The following ZCWPW2 variants were observed in gnomAD, a reference collection of about 807,000 sequenced individuals.
ZCWPW2 encodes zinc finger CW-type and PWWP domain containing 2, also known as zinc finger CW-type PWWP domain protein 2.
In ZCWPW2, 45 loss-of-function variants were observed where a neutral mutation model predicts 46.6. The ratio of observed to expected loss-of-function variants is 0.96; its 90% CI spans 0.76 to 1.24. The LOEUF is 1.24. Among genes scored for constraint, ZCWPW2 ranks in the 50% most tolerant of loss-of-function variants. The pLI is 0.00. For synonymous variants in ZCWPW2, 152 were observed against 137.1 expected, an observed-to-expected ratio of 1.11 and a Z score of -0.76; for missense variants, 429 against 403.9, an observed-to-expected ratio of 1.06 and a Z score of -0.53.
intron 4 of ZCWPW2, among the ~76,000 whole-genome samples, chr3:28,454,522 C>T (rs566499774): frequency 6.6e-6 from 1 of 152,234 alleles, no homozygotes; most frequent in East Asian, 1.9e-4. Context: ...GTAGGATGTG[C>T]ACGTTTGTTA....
chr3:28,442,321 C>T (rs772963750), intron 4 of ZCWPW2, among the ~76,000 whole-genome samples: 1 of 152,164 alleles, frequency 6.6e-6, no homozygotes, highest in Non-Finnish European at 1.5e-5. Context: ...AGAAATTTTG[C>T]TGAGGTAGAA....
At chr3:28,398,048 T>G (rs1390771238) in intron 2 of ZCWPW2, 1 of 152,230 alleles carries the variant, frequency 6.6e-6, no homozygotes, top group African/African-American at 2.4e-5. Context: ...ACATTGTCAG[T>G]CTGGCTGCTA....
At chr3:28,513,804 T>C (rs1700489911) in intron 6 of ZCWPW2, among the ~76,000 whole-genome samples, 1 of 152,100 alleles carries the variant, frequency 6.6e-6, no homozygotes, top group Non-Finnish European at 1.5e-5. Flanking sequence ...TTTTATGTGT[T>C]TGTGAAGTTA....
intron 3 of ZCWPW2, among the ~76,000 whole-genome samples, chr3:28,423,492 G>A (rs548110902): frequency 1.3e-5 from 2 of 150,428 alleles, no homozygotes; most frequent in African/African-American, 4.9e-5. Context: ...TCAGCCTCCC[G>A]AGTAGCTGGG....
In ZCWPW2 at chr3:28,413,367, G is replaced by A. The variant is rs772933045; in HGVS notation, c.299G>A (p.Ser100Asn). The change falls in exon 3 of 10, where the codon AGC (serine) becomes AAC (asparagine). Residue 100 changes from serine (S) to asparagine (N), a missense_variant. Transcript: ENST00000383768. Reference sequence around the variant, plus strand: ...GTCTATTCACAGCTCCCTCTTGGAAGCCTGGTTTTGGTAAAATTACAGAAT... The same window carrying A: ...GTCTATTCACAGCTCCCTCTTGGAAACCTGGTTTTGGTAAAATTACAGAAT... ...KIVYSQLPLGSLVLVKLQNWP... is the reference protein window; with the variant it reads ...KIVYSQLPLGNLVLVKLQNWP... 3.1e-6 allele frequency: 5 copies of A among 1,609,234 alleles called. No individual in the cohort carries two copies. Among genetic ancestry groups the A allele is most frequent in the Non-Finnish European group, 4.2e-6 (5 of 1,176,568 alleles).
At chr3:28,501,677 GA>G (rs1200879001) in intron 6 of ZCWPW2, among the ~76,000 whole-genome samples, 3 of 152,080 alleles carry the variant, frequency 2.0e-5, no homozygotes, top group Non-Finnish European at 2.9e-5. Context: ...TCCTTACCCA[GA>G]AAGTTTCCTC....
intron 6 of ZCWPW2, among the ~76,000 whole-genome samples, chr3:28,504,574 C>T (rs904450323): frequency 2.0e-5 from 3 of 152,326 alleles, no homozygotes; most frequent in Non-Finnish European, 4.4e-5. Context: ...ACTATAACCA[C>T]TGAATATTCT....
chr3:28,447,654 A>G lies in ZCWPW2; in HGVS notation c.492+12385A>G, dbSNP rs578104323. 3.9e-4 allele frequency: 140 copies of G among 360,712 alleles called. 1 individual carries two copies. The highest frequency in any genetic ancestry group is 2.6e-3 in the African/African-American group (127 of 48,772). 22.3% of individuals were successfully genotyped at this position (360,712 alleles called of 1,614,324 possible). Reference sequence around the variant, plus strand: ...CAACATAGTTCTGAAAGTTCTAGCCAGAGCAATTAGGCAAGAAAAAAGAAA... The same window carrying G: ...CAACATAGTTCTGAAAGTTCTAGCCGGAGCAATTAGGCAAGAAAAAAGAAA... On this transcript the variant is annotated intron_variant, in intron 4 of 9. Coordinates refer to ENST00000383768, the MANE Select transcript of ZCWPW2 (RefSeq NM_001040432.4).
chr3:28,411,267 A>G (rs954821158), intron 2 of ZCWPW2, among the ~76,000 whole-genome samples: 3 of 151,964 alleles, frequency 2.0e-5, no homozygotes, highest in Non-Finnish European at 4.4e-5. Context: ...ACATTTTAAA[A>G]GAAATCCATA....
chr3:28,496,859 T>G (rs549969184), intron 6 of ZCWPW2, among the ~76,000 whole-genome samples: 133 of 151,676 alleles, frequency 8.8e-4, no homozygotes, highest in Middle Eastern at 6.9e-3. Flanking sequence ...GGCATAGGGA[T>G]GTTGACCACT....
chr3:28,354,009 G>A (rs998869055), intron 1 of ZCWPW2, among the ~76,000 whole-genome samples: 6 of 152,110 alleles, frequency 3.9e-5, no homozygotes, highest in Non-Finnish European at 7.4e-5. Flanking sequence ...ACAAATTATT[G>A]AGCACCTATC....
intron 4 of ZCWPW2, among the ~76,000 whole-genome samples, chr3:28,465,770 A>G (rs1698797871): frequency 6.6e-6 from 1 of 152,166 alleles, no homozygotes. Flanking sequence ...AAAAAAAACT[A>G]TGGTAAACAA....
intron 1 of ZCWPW2, among the ~76,000 whole-genome samples, chr3:28,376,309 G>GA (rs1223529608): frequency 7.2e-5 from 11 of 151,870 alleles, no homozygotes; most frequent in Non-Finnish European, 1.6e-4. Context: ...TGAAGAAATA[G>GA]AAAAAACAAT....
chr3:28,436,805 G>T (rs1300642854), intron 4 of ZCWPW2, among the ~76,000 whole-genome samples: 1 of 152,122 alleles, frequency 6.6e-6, no homozygotes, highest in Admixed American at 6.5e-5. Flanking sequence ...AGATAGTTCT[G>T]CTGGCAACCA....
At chr3:28,384,928 T>G (rs1695221767) in intron 1 of ZCWPW2, among the ~76,000 whole-genome samples, 1 of 152,222 alleles carries the variant, frequency 6.6e-6, no homozygotes, top group African/African-American at 2.4e-5. Context: ...CCAATCTTTC[T>G]TTTATGACTT....
chr3:28,459,156 G>A (rs1045299693), intron 4 of ZCWPW2, among the ~76,000 whole-genome samples: 2 of 152,200 alleles, frequency 1.3e-5, no homozygotes, highest in African/African-American at 4.8e-5. Context: ...GGATCATGAG[G>A]TCAGGAGATT....
At chr3:28,390,718 A>C (rs1427524680) in intron 2 of ZCWPW2, 101 bp downstream of exon 2, 1 of 869,182 alleles carries the variant, frequency 1.2e-6, no homozygotes, top group African/African-American at 1.8e-5. Context: ...AAAATGTAAA[A>C]AAATTCACCT....
chr3:28,371,070 T>G (rs969074529), intron 1 of ZCWPW2, among the ~76,000 whole-genome samples: 3 of 152,164 alleles, frequency 2.0e-5, no homozygotes, highest in African/African-American at 7.2e-5. Context: ...AGAGTTATGT[T>G]TCCTTTAAAC....
chr3:28,367,116 T>C (rs569400438), intron 1 of ZCWPW2, among the ~76,000 whole-genome samples: 5 of 152,346 alleles, frequency 3.3e-5, no homozygotes, highest in African/African-American at 1.2e-4. Flanking sequence ...CATTGATTTT[T>C]TGAAGGGTTT....
Sources: allele counts gnomAD v4.1 joint callset (sites outside exome capture counted in the v4.1 genomes callset), GRCh38; gene constraint gnomAD v4.1.1; transcripts MANE v1.5; gene names NCBI Gene and HGNC (gene_info 2026-07-23, HGNC 2026-07-21).